Variants in MAP2 observed in about 807,000 individuals in gnomAD.
MAP2 encodes the protein microtubule-associated protein 2.
A neutral mutation model predicts 137.6 loss-of-function variants in MAP2; 14 were observed. The ratio of observed to expected loss-of-function variants is 0.10; its 90% CI spans 0.07 to 0.16. The LOEUF (loss-of-function observed/expected upper bound fraction) is 0.16, where lower values mean the gene tolerates loss of function less well. Ranked by LOEUF, MAP2 falls within the 10% of genes least tolerant of loss-of-function variation. The pLI, the probability that MAP2 is intolerant of heterozygous loss-of-function variation, is 1.00. For synonymous variants in MAP2, 786 were observed against 782.3 expected (o/e 1.00, Z -0.08); for missense variants, 2,088 against 2,191.5 (o/e 0.95, Z 0.94).
intron 1 of MAP2, among the ~76,000 whole-genome samples, chr2:209,433,130 A>G (rs1694775979): frequency 1.3e-5 from 2 of 152,170 alleles, no homozygotes; most frequent in South Asian, 4.1e-4. Context: ...AAGAAACCAC[A>G]TAAATTCCTG....
intron 2 of MAP2, among the ~76,000 whole-genome samples, chr2:209,574,857 C>T (rs1043844228): frequency 6.6e-6 from 1 of 152,062 alleles, no homozygotes; most frequent in African/African-American, 2.4e-5. Context: ...ACACATCTGC[C>T]TATTTGATTT....
chr2:209,661,121 C>G (rs567513982), intron 5 of MAP2, among the ~76,000 whole-genome samples: 3 of 152,200 alleles, frequency 2.0e-5, no homozygotes, highest in East Asian at 3.9e-4. Flanking sequence ...CTGCATATGC[C>G]TTTAAATAAA....
At chr2:209,531,267 T>G (rs1454903712) in intron 2 of MAP2, among the ~76,000 whole-genome samples, 1 of 152,222 alleles carries the variant, frequency 6.6e-6, no homozygotes, top group Non-Finnish European at 1.5e-5. Context: ...TGCACCTGAC[T>G]GTCCTCATGT....
intron 1 of MAP2, among the ~76,000 whole-genome samples, chr2:209,479,107 A>AT (rs1175337221): frequency 6.6e-6 from 1 of 151,930 alleles, no homozygotes; most frequent in Non-Finnish European, 1.5e-5. Flanking sequence ...AAAGCAAGTG[A>AT]TTTTTTTTCT....
chr2:209,654,722 A>G (rs1382207869), intron 5 of MAP2, among the ~76,000 whole-genome samples: 3 of 152,142 alleles, frequency 2.0e-5, no homozygotes, highest in African/African-American at 7.2e-5. Context: ...AGATGAGAGC[A>G]TGTTATAGCA....
intron 2 of MAP2, among the ~76,000 whole-genome samples, chr2:209,539,800 A>G (rs1170481971): frequency 6.6e-6 from 1 of 152,046 alleles, no homozygotes; most frequent in Non-Finnish European, 1.5e-5. Flanking sequence ...CTCAAACCAC[A>G]TAAAAGTCAC....
Position 209,652,075 on chromosome 2 carries a change from A to G in MAP2, c.-29-1067A>G, listed in dbSNP as rs542050127. Among the ~76,000 whole-genome samples the G allele has an allele frequency of 5.4e-4, 83 of 152,320 alleles. 2 individuals are homozygous for G. In the South Asian group the frequency reaches 0.017, roughly 31 times the overall value. On this transcript the variant is annotated intron_variant, in intron 4 of 15. Transcript: ENST00000682079. ...TTGTCATCCTTACTGTGGAGACGAT[A>G]AGCCATCAATAAGGCTGCATGGTGG... is the stretch of plus-strand genomic sequence containing the variant.
chr2:209,469,056 GAGTT>G (rs1237504564), intron 1 of MAP2, among the ~76,000 whole-genome samples: 2 of 152,178 alleles, frequency 1.3e-5, no homozygotes, highest in African/African-American at 4.8e-5. Flanking sequence ...AAGAACCAGA[GAGTT>G]AGAAGAGATT....
chr2:209,570,385 C>T (rs2074195361), intron 2 of MAP2, among the ~76,000 whole-genome samples: 1 of 151,846 alleles, frequency 6.6e-6, no homozygotes, highest in Non-Finnish European at 1.5e-5. Context: ...CAGCTGTGTT[C>T]CCCTGGGCAC....
At chr2:209,519,667 C>A (rs902493604) in intron 2 of MAP2, among the ~76,000 whole-genome samples, 1 of 151,956 alleles carries the variant, frequency 6.6e-6, no homozygotes. Context: ...TCTCTATCTA[C>A]CCTTGTTTTC....
chr2:209,436,029 T>TATACAGTATATATTATATATACA, intron 1 of MAP2, among the ~76,000 whole-genome samples: 1 of 142,074 alleles, frequency 7.0e-6, no homozygotes, highest in African/African-American at 2.6e-5. Flanking sequence ...ATATAAAATA[T>TATACAGTATATATTATATATACA]ATATATATGT....
At chr2:209,504,098 G>GAAA (rs770236091) in intron 1 of MAP2, among the ~76,000 whole-genome samples, 2 of 133,994 alleles carry the variant, frequency 1.5e-5, no homozygotes, top group African/African-American at 5.6e-5. Context: ...CCTGTCTCTG[G>GAAA]AAAAAAAAAA....
Position 209,710,258 on chromosome 2 carries a change from A to G in MAP2, c.5073+4A>G, listed in dbSNP as rs1341233934. 1.9e-6 allele frequency: 3 copies of G among 1,557,910 alleles called. No individual in the cohort carries two copies. The highest frequency in any genetic ancestry group is 2.6e-6 in the Non-Finnish European group (3 of 1,148,720). ...ATACCAGCCTAAAGGGGGGCAGGTA[A>G]GAATTGCATGAACACATATTTGCTG... On this transcript the variant is annotated splice_donor_region_variant and intron_variant, in intron 13 of 15. Transcript: ENST00000682079.
chr2:209,544,469 G>T (rs1273163474), intron 2 of MAP2, among the ~76,000 whole-genome samples: 1 of 152,046 alleles, frequency 6.6e-6, no homozygotes, highest in Non-Finnish European at 1.5e-5. Flanking sequence ...GCTTTAAAAT[G>T]ATGTTATTAT....
At chr2:209,496,823 A>C (rs1025712724) in intron 1 of MAP2, among the ~76,000 whole-genome samples, 27 of 152,118 alleles carry the variant, frequency 1.8e-4, no homozygotes. Context: ...TGTGTGAGAC[A>C]GGGACTCTGT....
chr2:209,454,125 G>A (rs1185778091), intron 1 of MAP2, among the ~76,000 whole-genome samples: 5 of 116,850 alleles, frequency 4.3e-5, no homozygotes, highest in African/African-American at 1.3e-4. Context: ...ACTCCATCCC[G>A]GGCAACAGAG....
intron 1 of MAP2, among the ~76,000 whole-genome samples, chr2:209,488,905 C>T (rs540822188): frequency 1.3e-5 from 2 of 152,316 alleles, no homozygotes; most frequent in South Asian, 4.1e-4. Context: ...CTGAGGAGGG[C>T]AGCAGATCTC....
In MAP2 at chr2:209,694,879, A is replaced by C; in HGVS notation, c.2709A>C (p.Lys903Asn). 6.2e-7 allele frequency: 1 copy of C among 1,614,210 alleles called. No homozygotes were observed. Among genetic ancestry groups the C allele is most frequent in the Non-Finnish European group, 8.5e-7 (1 of 1,180,032 alleles). Reference protein sequence around the residue: ...SGTFYEGTDDKVRRDLATDLS... With the variant: ...SGTFYEGTDDNVRRDLATDLS... ...CCTTTTACGAAGGCACTGATGATAA[A>C]GTTCGAAGAGATTTGGCCACAGACC... The change falls in exon 8 of 16, where the codon AAA becomes AAC. Residue 903 changes from lysine (K) to asparagine (N), a missense_variant. Coordinates refer to ENST00000682079, the MANE Select transcript of MAP2 (RefSeq NM_001375505.1).
chr2:209,493,752 A>G (rs2059410328), intron 1 of MAP2, among the ~76,000 whole-genome samples: 1 of 152,252 alleles, frequency 6.6e-6, no homozygotes, highest in East Asian at 1.9e-4. Context: ...CATGCCAGTT[A>G]GAATGGTGAT....
Sources: gnomAD v4.1 joint callset for allele counts (sites outside exome capture counted in the v4.1 genomes callset) on GRCh38, gnomAD v4.1.1 for gene constraint, MANE v1.5 for transcripts, NCBI Gene and HGNC (gene_info 2026-07-23, HGNC 2026-07-21) for gene names.